The following DROSHA variants were observed in gnomAD, a reference collection of about 807,000 sequenced individuals.
The protein encoded by DROSHA is ribonuclease 3.
A neutral mutation model predicts 181.9 loss-of-function variants in DROSHA; 56 were observed. The ratio of observed to expected loss-of-function variants is 0.31; its 90% CI spans 0.25 to 0.38. DROSHA has a LOEUF of 0.38. DROSHA is among the 10% of genes least tolerant of loss of function. The pLI, the probability that DROSHA is intolerant of heterozygous loss-of-function variation, is 1.00. For synonymous variants in DROSHA, 524 were observed against 591.2 expected, an observed-to-expected ratio of 0.89 and a Z score of 1.65; for missense variants, 1,218 against 1,743.5, an observed-to-expected ratio of 0.70 and a Z score of 5.37.
chr5:31,485,112 C>T, intron 14 of DROSHA, 150 bp from the exon 15 acceptor site: 1 of 551,356 alleles, frequency 1.8e-6, no homozygotes, highest in Non-Finnish European at 3.2e-6. Flanking sequence ...CCACTGATCG[C>T]TAGTTTCAGA....
At chr5:31,477,392 T>A (rs1448149421) in intron 16 of DROSHA, among the ~76,000 whole-genome samples, 1 of 152,244 alleles carries the variant, frequency 6.6e-6, no homozygotes, top group Non-Finnish European at 1.5e-5. Flanking sequence ...CGTTTCTGTG[T>A]CTTCTGGATA....
chr5:31,470,032 T>C lies in DROSHA; in HGVS notation c.2242-1969A>G, dbSNP rs1405152083. 6.6e-6 allele frequency among the ~76,000 whole-genome samples: 1 copy of C among 152,202 alleles called. No individual in the cohort carries two copies. The highest frequency in any genetic ancestry group is 1.5e-5 in the Non-Finnish European group (1 of 68,032). ...TATGAGTAACTTGCACACTTCTCAG[T>C]AGGATGTTTTCATAATACTGAATTC... On this transcript the variant is annotated intron_variant, in intron 17 of 35. Coordinates refer to ENST00000344624, the MANE Select transcript of DROSHA (RefSeq NM_001382508.1). This position sits in a 1 kb window ranked among gnomAD's most constrained non-coding sequence, Gnocchi z 4.0.
At chr5:31,444,938 A>AT (rs1182578013) in intron 23 of DROSHA, among the ~76,000 whole-genome samples, 2 of 152,220 alleles carry the variant, frequency 1.3e-5, no homozygotes, top group Non-Finnish European at 2.9e-5. Flanking sequence ...AGGCAAGTCA[A>AT]TTTTTTAAAA....
At chr5:31,428,300 T>A (rs578255230) in intron 27 of DROSHA, among the ~76,000 whole-genome samples, 1 of 148,454 alleles carries the variant, frequency 6.7e-6, no homozygotes, top group Admixed American at 6.7e-5. Flanking sequence ...GGGGAAGGAG[T>A]CTAAAGGGTG....
At position 31,409,193 on chromosome 5, in the gene DROSHA, G is replaced by C; in HGVS notation, c.3751-34C>G. 1 of 1,610,344 alleles carries C rather than the reference G, an allele frequency of 6.2e-7. No homozygotes were observed. Among genetic ancestry groups the C allele is most frequent in the South Asian group, 1.1e-5 (1 of 90,330 alleles). Reference sequence around the variant, plus strand: ...GTCCCCCAAAACTATTTAGTAATGGGTTCTGGAATCACCAAACATAAAGCA... The same window carrying C: ...GTCCCCCAAAACTATTTAGTAATGGCTTCTGGAATCACCAAACATAAAGCA... On this transcript the variant is annotated intron_variant, in intron 32 of 35. Coordinates refer to ENST00000344624, the MANE Select transcript of DROSHA (RefSeq NM_001382508.1). This position sits in a 1 kb window ranked among gnomAD's most constrained non-coding sequence, Gnocchi z 4.0.
Position 31,470,701 on chromosome 5 carries a change from C to A in DROSHA, c.2241+1362G>T, listed in dbSNP as rs908820793. On this transcript the variant is annotated intron_variant, in intron 17 of 35. Coordinates refer to ENST00000344624, the MANE Select transcript of DROSHA (RefSeq NM_001382508.1). The surrounding 1 kb of genome is among the most constrained non-coding windows in gnomAD (Gnocchi z 4.0). ...AGCTATATCCTTAAGCCAGGGTATC[C>A]TTAAGTTTTTTTTTAAACTCTCCAG... is the stretch of plus-strand genomic sequence containing the variant. Among the ~76,000 whole-genome samples the A allele has an allele frequency of 1.2e-4, 18 of 151,948 alleles. No individual in the cohort carries two copies. The highest frequency in any genetic ancestry group is 4.1e-4 in the African/African-American group (17 of 41,362).
At chr5:31,509,573 C>G (rs1291986929) in intron 9 of DROSHA, among the ~76,000 whole-genome samples, 1 of 152,182 alleles carries the variant, frequency 6.6e-6, no homozygotes, top group African/African-American at 2.4e-5. Flanking sequence ...GAGCTAAGAA[C>G]ACAGTGGACT....
At chr5:31,425,789 G>C (rs1743393162) in intron 27 of DROSHA, among the ~76,000 whole-genome samples, 1 of 152,058 alleles carries the variant, frequency 6.6e-6, no homozygotes, top group Admixed American at 6.6e-5. Context: ...TAGGAGTCAG[G>C]CTGCCTGGGT....
intron 8 of DROSHA, among the ~76,000 whole-genome samples, chr5:31,513,431 G>C (rs773734648): frequency 6.6e-6 from 1 of 152,206 alleles, no homozygotes; most frequent in Non-Finnish European, 1.5e-5. Flanking sequence ...CTAACGGACA[G>C]AACCACCTTC....
intron 30 of DROSHA, among the ~76,000 whole-genome samples, chr5:31,415,014 C>T (rs2149991070): frequency 6.6e-6 from 1 of 152,320 alleles, no homozygotes; most frequent in South Asian, 2.1e-4. Context: ...TATCCCAGAT[C>T]TCAAACTCTG....
Position 31,511,018 on chromosome 5 carries a change from T to A in DROSHA, c.1432+17A>T, listed in dbSNP as rs1194019882. The A allele has an allele frequency of 1.2e-6, 2 of 1,613,690 alleles. No homozygotes were observed. The highest frequency in any genetic ancestry group is 1.7e-6 in the Non-Finnish European group (2 of 1,179,800). On this transcript the variant is annotated intron_variant, in intron 9 of 35. Coordinates refer to ENST00000344624, the MANE Select transcript of DROSHA (RefSeq NM_001382508.1). Reference sequence around the variant, plus strand: ...ATAATCGCAAGGGTCTCAGGCTAGTTAGTGACTCTGACTCACCTAAATCTT... The same window carrying A: ...ATAATCGCAAGGGTCTCAGGCTAGTAAGTGACTCTGACTCACCTAAATCTT...
intron 30 of DROSHA, among the ~76,000 whole-genome samples, chr5:31,412,423 C>T (rs1357556473): frequency 6.6e-6 from 1 of 152,190 alleles, no homozygotes; most frequent in Non-Finnish European, 1.5e-5. Flanking sequence ...TTCCATGTTG[C>T]ACTTTCTTTA....
intron 9 of DROSHA, among the ~76,000 whole-genome samples, chr5:31,509,775 G>A (rs1431151555): frequency 2.0e-5 from 3 of 152,164 alleles, no homozygotes; most frequent in Non-Finnish European, 2.9e-5. Context: ...ACTGAAATAT[G>A]CCAGTCACAA....
chr5:31,420,966 T>C (rs112446951), intron 30 of DROSHA, among the ~76,000 whole-genome samples: 58 of 152,362 alleles, frequency 3.8e-4, no homozygotes, highest in African/African-American at 1.4e-3. Flanking sequence ...TATTTAAGCT[T>C]TAATCTCCTC....
At position 31,444,818 on chromosome 5, in the gene DROSHA, T is replaced by C. The variant is rs1404504521; in HGVS notation, c.2882+3729A>G. ...TCACAGAACATCATAGTGAGGTATA[T>C]GGGCATATGATCATTTTCAAACAAG... On this transcript the variant is annotated intron_variant, in intron 23 of 35. Coordinates refer to ENST00000344624, the MANE Select transcript of DROSHA (RefSeq NM_001382508.1). Among the ~76,000 whole-genome samples, 8 of 152,376 alleles carry C rather than the reference T, an allele frequency of 5.3e-5. No individual in the cohort carries two copies. In the South Asian group the frequency reaches 8.3e-4, roughly 16 times the overall value.
rs1385606020 is a variant in DROSHA, at chr5:31,486,470, A to G, written c.1914+21T>C. ...GCAAAAGAGCAAACTACATCAAACC[A>G]CACACAATCTTTTCCCTTACCTCCG... On this transcript the variant is annotated intron_variant, in intron 14 of 35. Transcript: ENST00000344624. The G allele has an allele frequency of 4.4e-6, 7 of 1,604,788 alleles. No individual in the cohort carries two copies. The South Asian group carries it at 7.7e-5, about 18-fold the overall frequency.
chr5:31,419,175 A>G (rs1295288042), intron 30 of DROSHA, among the ~76,000 whole-genome samples: 1 of 152,212 alleles, frequency 6.6e-6, no homozygotes, highest in Non-Finnish European at 1.5e-5. Context: ...TTGTGTTTCA[A>G]GAAGGAGGAG....
At chr5:31,417,119 GT>G (rs900492960) in intron 30 of DROSHA, among the ~76,000 whole-genome samples, 2 of 152,152 alleles carry the variant, frequency 1.3e-5, no homozygotes, top group Non-Finnish European at 2.9e-5. Context: ...TTCAGGGTAG[GT>G]TAAGGAAGGC....
At chr5:31,466,316 G>T in intron 18 of DROSHA, 35 bp from the exon 19 acceptor site, 1 of 1,595,984 alleles carries the variant, frequency 6.3e-7, no homozygotes, top group Non-Finnish European at 8.6e-7. Context: ...CTCAGGTAAA[G>T]AGGAGGTAAA....
Sources: allele counts gnomAD v4.1 joint callset (sites outside exome capture counted in the v4.1 genomes callset), GRCh38; gene constraint gnomAD v4.1.1; non-coding constraint Gnocchi (gnomAD v3.1); transcripts MANE v1.5; gene names NCBI Gene and HGNC (gene_info 2026-07-23, HGNC 2026-07-21).